CHST3: variants seen among roughly 807,000 people sequenced by gnomAD.
CHST3 encodes carbohydrate sulfotransferase 3.
In CHST3, 20 loss-of-function variants were observed where a neutral mutation model predicts 35.4. That is an observed-to-expected ratio of 0.57 (90% confidence interval 0.40 to 0.82). CHST3 has a LOEUF of 0.82. CHST3 is among the 40% of genes least tolerant of loss of function. The probability of loss-of-function intolerance (pLI) is 0.00; values close to 1 mark genes in which losing one functional copy is unlikely to be tolerated. For missense variants in CHST3, 693 were observed against 670.1 expected, an observed-to-expected ratio of 1.03 and a Z score of -0.38; for synonymous variants, 334 against 295.9, an observed-to-expected ratio of 1.13 and a Z score of -1.32.
At chr10:72,000,420 G>C (rs963024652) in intron 1 of CHST3, among the ~76,000 whole-genome samples, 5 of 152,140 alleles carry the variant, frequency 3.3e-5, no homozygotes, top group Admixed American at 6.5e-5. Context: ...AGGGCGCCAA[G>C]AGGGAAAGTG....
intron 1 of CHST3, among the ~76,000 whole-genome samples, chr10:71,982,975 C>G (rs1839815180): frequency 6.6e-6 from 1 of 152,232 alleles, no homozygotes; most frequent in Admixed American, 6.5e-5. Context: ...CACACTGCCC[C>G]CTCTTGGCAG....
rs1840073224 is a variant in CHST3 at position 72,008,479 on chromosome 10, G to C, written c.*8G>C. On this transcript the variant is annotated 3_prime_UTR_variant, in exon 3 of 3. Transcript: ENST00000373115. ...ACCTTCTGGGTCACGTAGGGGGGCCGGGGCCCCGTATGCCCCTCCTCGTGA... is the reference window on the plus strand; with the variant it reads ...ACCTTCTGGGTCACGTAGGGGGGCCCGGGCCCCGTATGCCCCTCCTCGTGA... The C allele has an allele frequency of 6.6e-7, 1 of 1,519,776 alleles. No homozygotes were observed. The highest frequency in any genetic ancestry group is 8.8e-7 in the Non-Finnish European group (1 of 1,132,014). The allele number at this position is 1,519,776 out of a possible 1,614,324, so 94.1% of individuals were successfully genotyped here. A position where few individuals can be genotyped will look rare whatever the true frequency, so the allele number is the denominator to read the frequency against.
At chr10:71,977,122 G>A (rs1037986173) in intron 1 of CHST3, among the ~76,000 whole-genome samples, 1 of 152,164 alleles carries the variant, frequency 6.6e-6, no homozygotes, top group African/African-American at 2.4e-5. Flanking sequence ...AGCTCTTCCC[G>A]AGGACTGTTA....
chr10:71,982,367 T>G (rs1839808821), intron 1 of CHST3, among the ~76,000 whole-genome samples: 1 of 152,174 alleles, frequency 6.6e-6, no homozygotes, highest in South Asian at 2.1e-4. Flanking sequence ...GGCTGCAGAC[T>G]CTCCAGAAGG....
chr10:71,966,252 C>T (rs1839631310), intron 1 of CHST3, among the ~76,000 whole-genome samples: 1 of 152,058 alleles, frequency 6.6e-6, no homozygotes, highest in African/African-American at 2.4e-5. Flanking sequence ...AGATGGGTCT[C>T]ATGAAGGGTC....
intron 1 of CHST3, among the ~76,000 whole-genome samples, chr10:71,977,607 A>T (rs1839759025): frequency 6.6e-6 from 1 of 151,748 alleles, no homozygotes; most frequent in Non-Finnish European, 1.5e-5. Flanking sequence ...GCTCCACCTA[A>T]TTTTTAAATT....
chr10:71,974,133 A>G (rs1458204591), intron 1 of CHST3, among the ~76,000 whole-genome samples: 1 of 152,260 alleles, frequency 6.6e-6, no homozygotes. Flanking sequence ...CACACTGAGC[A>G]TCAGGAAGGG....
chr10:71,984,974 C>G (rs969795307), intron 1 of CHST3, among the ~76,000 whole-genome samples: 2 of 152,222 alleles, frequency 1.3e-5, no homozygotes, highest in Non-Finnish European at 2.9e-5. Context: ...TGCACTCTTA[C>G]AAATTTCCAT....
At chr10:71,992,369 A>C (rs1839904511) in intron 1 of CHST3, among the ~76,000 whole-genome samples, 1 of 152,118 alleles carries the variant, frequency 6.6e-6, no homozygotes, top group South Asian at 2.1e-4. Flanking sequence ...GCAGAGACAC[A>C]GTCTCACTAT....
chr10:72,007,916 C>T lies in CHST3; in HGVS notation c.885C>T (p.Arg295=), dbSNP rs373546394. 3 of 1,562,522 alleles carry T rather than the reference C, an allele frequency of 1.9e-6. No homozygotes were observed. Among genetic ancestry groups the T allele is most frequent in the Non-Finnish European group, 2.6e-6 (3 of 1,153,922 alleles). The change falls in exon 3 of 3, where the codon CGC becomes CGT. Residue 295 remains arginine (R), a synonymous_variant. Coordinates refer to ENST00000373115, the MANE Select transcript of CHST3 (RefSeq NM_004273.5). The part of the protein sequence containing the change: ...PLAEDPRLDL[R]VIQLVRDPRA... ...CCGAGGACCCCCGCCTGGACCTGCG[C>T]GTCATCCAGCTGGTGCGCGACCCCC...
chr10:72,008,705 C>A lies in CHST3; in HGVS notation c.*234C>A. ...CCCAGACCCAACGGGTTGCAGCCTC[C>A]TGAGCAGGCCTAGGCAGGCCCGGGC... On this transcript the variant is annotated 3_prime_UTR_variant, in exon 3 of 3. Transcript: ENST00000373115. 1.3e-6 allele frequency: 1 copy of A among 781,794 alleles called. No homozygotes were observed. The highest frequency in any genetic ancestry group is 1.9e-6 in the Non-Finnish European group (1 of 532,080). The allele number at this position is 781,794 out of a possible 1,614,324, so 48.4% of individuals were successfully genotyped here. A position where few individuals can be genotyped will look rare whatever the true frequency, so the allele number is the denominator to read the frequency against.
intron 1 of CHST3, among the ~76,000 whole-genome samples, chr10:71,995,439 A>C (rs1839930638): frequency 7.0e-6 from 1 of 143,450 alleles, no homozygotes; most frequent in Non-Finnish European, 1.6e-5. Flanking sequence ...AAAAAAAAAA[A>C]AGAATTTGTC....
In CHST3 at chr10:72,009,193, C is replaced by G. The variant is rs1840081789; in HGVS notation, c.*722C>G. The G allele has an allele frequency of 6.6e-6, 1 of 152,222 alleles. No homozygotes were observed. Among genetic ancestry groups the G allele is most frequent in the African/African-American group, 2.4e-5 (1 of 41,432 alleles). The allele number at this position is 152,222 out of a possible 1,614,324, so 9.4% of individuals were successfully genotyped here. On this transcript the variant is annotated 3_prime_UTR_variant, in exon 3 of 3. Transcript: ENST00000373115. Reference sequence around the variant, plus strand: ...GACAAGCTTCCTCGCTGCTTATGCCCACAGGGTTTTTCTGTATGACACACC... The same window carrying G: ...GACAAGCTTCCTCGCTGCTTATGCCGACAGGGTTTTTCTGTATGACACACC...
At chr10:71,992,859 A>G (rs1164046727) in intron 1 of CHST3, among the ~76,000 whole-genome samples, 1 of 151,530 alleles carries the variant, frequency 6.6e-6, no homozygotes, top group Non-Finnish European at 1.5e-5. Flanking sequence ...GCAGGGTTTC[A>G]CCATGTTGGC....
intron 1 of CHST3, among the ~76,000 whole-genome samples, chr10:72,000,524 C>CCAGGG (rs1839983044): frequency 6.6e-6 from 1 of 151,484 alleles, no homozygotes; most frequent in Non-Finnish European, 1.5e-5. Flanking sequence ...AAGGAGCCAG[C>CCAGGG]CAGAGCAGAT....
chr10:71,990,133 T>C (rs1468422289), intron 1 of CHST3, among the ~76,000 whole-genome samples: 1 of 152,106 alleles, frequency 6.6e-6, no homozygotes, highest in Non-Finnish European at 1.5e-5. Flanking sequence ...AATTCCTGGG[T>C]CGAAGAGTGT....
At chr10:71,991,382 G>T (rs185989812) in intron 1 of CHST3, among the ~76,000 whole-genome samples, 3 of 152,184 alleles carry the variant, frequency 2.0e-5, no homozygotes, top group Non-Finnish European at 4.4e-5. Flanking sequence ...GCTTTCTTTG[G>T]GCAGTTGCCC....
chr10:71,964,508 C>G lies in CHST3; in HGVS notation c.-294C>G, dbSNP rs4148907. 93,107 of 152,010 alleles carry G rather than the reference C, an allele frequency of 0.61. 28,755 individuals are homozygous for G. The highest frequency in any genetic ancestry group is 0.67 in the African/African-American group (27,714 of 41,506). 9.4% of individuals were successfully genotyped at this position (152,010 alleles called of 1,614,324 possible). A position where few individuals can be genotyped will look rare whatever the true frequency, so the allele number is the denominator to read the frequency against. ...TCCCTTCCAGCGTGCCGACCGGCCC[C>G]GCAGCGCCTCCATCCCTCCGGCCCG... On this transcript the variant is annotated 5_prime_UTR_variant, in exon 1 of 3. Coordinates refer to ENST00000373115, the MANE Select transcript of CHST3 (RefSeq NM_004273.5).
chr10:71,968,278 T>C (rs946772578), intron 1 of CHST3, among the ~76,000 whole-genome samples: 3 of 152,234 alleles, frequency 2.0e-5, no homozygotes, highest in Non-Finnish European at 4.4e-5. Context: ...GTTGGACACA[T>C]GTATGTCTTC....
Sources: allele counts gnomAD v4.1 joint callset (sites outside exome capture counted in the v4.1 genomes callset), GRCh38; gene constraint gnomAD v4.1.1; transcripts MANE v1.5; gene names NCBI Gene and HGNC (gene_info 2026-07-23, HGNC 2026-07-21).